Variants in NUBPL observed in about 807,000 individuals in gnomAD.
NUBPL encodes NUBP iron-sulfur cluster assembly factor, mitochondrial, also known as iron-sulfur cluster transfer protein NUBPL.
A neutral mutation model predicts 45.7 loss-of-function variants in NUBPL; 31 were observed. The observed-to-expected ratio is 0.68, with a 90% CI of 0.51 to 0.92. The LOEUF (loss-of-function observed/expected upper bound fraction) is 0.92, where lower values mean the gene tolerates loss of function less well. Among genes scored for constraint, NUBPL ranks in the 40% least tolerant of loss-of-function variants. The probability of loss-of-function intolerance (pLI) is 0.00; values close to 1 mark genes in which losing one functional copy is unlikely to be tolerated. For missense variants in NUBPL, 401 were observed against 398.7 expected, an observed-to-expected ratio of 1.01 and a Z score of -0.05; for synonymous variants, 144 against 140.9, an observed-to-expected ratio of 1.02 and a Z score of -0.15.
At chr14:31,843,617 C>T (rs2040409338) in intron 8 of NUBPL, 1 of 152,288 alleles carries the variant, frequency 6.6e-6, no homozygotes, top group Non-Finnish European at 1.5e-5. Flanking sequence ...CCAGCTTCAT[C>T]TAACTCCACT....
chr14:31,772,650 C>T (rs57994292), intron 6 of NUBPL, among the ~76,000 whole-genome samples: 56 of 152,262 alleles, frequency 3.7e-4, no homozygotes, highest in African/African-American at 1.3e-3. Context: ...CATGTATCAA[C>T]TTTTGGATAA....
chr14:31,640,110 A>T (rs1425596681), intron 4 of NUBPL, among the ~76,000 whole-genome samples: 4 of 152,036 alleles, frequency 2.6e-5, no homozygotes, highest in African/African-American at 9.7e-5. Flanking sequence ...GCCCACTGTC[A>T]GGCACTCCCT....
chr14:31,776,464 A>G (rs555646004), intron 6 of NUBPL, among the ~76,000 whole-genome samples: 14 of 152,178 alleles, frequency 9.2e-5, no homozygotes, highest in Non-Finnish European at 2.1e-4. Context: ...ACTGACAAGG[A>G]GACAGAAGGA....
At chr14:31,635,554 G>A (rs2035469843) in intron 4 of NUBPL, among the ~76,000 whole-genome samples, 1 of 151,948 alleles carries the variant, frequency 6.6e-6, no homozygotes, top group African/African-American at 2.4e-5. Flanking sequence ...TTTGGCTCAG[G>A]ATTGACTTGG....
chr14:31,575,656 G>A (rs921290938), intron 3 of NUBPL, among the ~76,000 whole-genome samples: 1 of 152,066 alleles, frequency 6.6e-6, no homozygotes, highest in African/African-American at 2.4e-5. Context: ...AAGGTTGGAG[G>A]CTCATCTTTT....
At chr14:31,837,879 G>A in intron 8 of NUBPL, among the ~76,000 whole-genome samples, 1 of 152,080 alleles carries the variant, frequency 6.6e-6, no homozygotes, top group Admixed American at 6.6e-5. Flanking sequence ...GAAAAATGAG[G>A]ACAAACTGGA....
chr14:31,758,671 A>G (rs2038729203), intron 6 of NUBPL, among the ~76,000 whole-genome samples: 1 of 152,192 alleles, frequency 6.6e-6, no homozygotes, highest in African/African-American at 2.4e-5. Context: ...GAACTGAGAA[A>G]CACCTTAGAA....
At chr14:31,607,129 C>G (rs1226417042) in intron 4 of NUBPL, among the ~76,000 whole-genome samples, 8 of 152,112 alleles carry the variant, frequency 5.3e-5, no homozygotes, top group Non-Finnish European at 1.2e-4. Flanking sequence ...GACTGTAATC[C>G]TAGCACTTCG....
At chr14:31,579,996 A>T (rs2033820257) in intron 3 of NUBPL, among the ~76,000 whole-genome samples, 1 of 152,252 alleles carries the variant, frequency 6.6e-6, no homozygotes, top group Non-Finnish European at 1.5e-5. Flanking sequence ...AAAAGGCAAA[A>T]TGGGAACTTA....
intron 3 of NUBPL, among the ~76,000 whole-genome samples, chr14:31,589,411 A>T (rs557356393): frequency 6.6e-6 from 1 of 152,318 alleles, no homozygotes; most frequent in South Asian, 2.1e-4. Flanking sequence ...ATAAGCAATT[A>T]TGCTAATGGA....
chr14:31,757,438 A>G (rs1019142383), intron 6 of NUBPL, among the ~76,000 whole-genome samples: 6 of 151,700 alleles, frequency 4.0e-5, no homozygotes, highest in African/African-American at 1.2e-4. Context: ...GGGAGGGTGT[A>G]TATGTTGAGG....
intron 6 of NUBPL, among the ~76,000 whole-genome samples, chr14:31,696,354 G>C (rs2037214621): frequency 6.6e-6 from 1 of 152,146 alleles, no homozygotes. Flanking sequence ...GACACATCTT[G>C]CACTGTTCTG....
intron 8 of NUBPL, among the ~76,000 whole-genome samples, chr14:31,837,433 C>T (rs1198847167): frequency 2.0e-5 from 3 of 152,150 alleles, no homozygotes; most frequent in African/African-American, 7.2e-5. Flanking sequence ...AAAATAGCTT[C>T]TACAGTCAGG....
intron 6 of NUBPL, among the ~76,000 whole-genome samples, chr14:31,700,642 GCCGGCCAGTGCCACTGGCC>G (rs533030766): frequency 0.011 from 1,629 of 152,270 alleles, 24 homozygotes; most frequent in African/African-American, 0.037. Flanking sequence ...ACTTCGAGCG[GCCGGCCAGTGCCACTGGCC>G]CCGGGCAGTG....
Position 31,673,394 on chromosome 14 carries a change from G to C in NUBPL, c.422G>C (p.Cys141Ser), listed in dbSNP as rs1259898028. The C allele has an allele frequency of 1.9e-6, 3 of 1,606,726 alleles. No homozygotes were observed. The South Asian group carries it at 3.3e-5, about 18-fold the overall frequency. Reference sequence around the variant, plus strand: ...CCTCTCTTGAATTATGGTATTGCTTGGTGAGCATATATATATTTTTAATGT... The same window carrying C: ...CCTCTCTTGAATTATGGTATTGCTTCGTGAGCATATATATATTTTTAATGT... ...MRPLLNYGIA[C>S]MSMGFLVEES... The change falls in exon 5 of 11, where the codon TGT becomes TCT. Residue 141 changes from cysteine to serine, a missense_variant and splice_region_variant. By Grantham distance (112) the Cys-to-Ser change is moderately radical (BLOSUM62 -1). Transcript: ENST00000281081.
chr14:31,771,405 A>G (rs1051912182), intron 6 of NUBPL, among the ~76,000 whole-genome samples: 2 of 152,206 alleles, frequency 1.3e-5, no homozygotes, highest in African/African-American at 4.8e-5. Flanking sequence ...TTCTATGGGT[A>G]TACAAGTTTT....
chr14:31,731,623 T>C (rs542361086), intron 6 of NUBPL, among the ~76,000 whole-genome samples: 12 of 152,342 alleles, frequency 7.9e-5, no homozygotes, highest in Admixed American at 3.3e-4. Context: ...CATTATAAAC[T>C]CAAATACTGC....
chr14:31,638,449 G>T (rs1292827496), intron 4 of NUBPL, among the ~76,000 whole-genome samples: 1 of 151,584 alleles, frequency 6.6e-6, no homozygotes, highest in African/African-American at 2.4e-5. Context: ...AGTTTCTGCC[G>T]AGAGATCCGC....
chr14:31,690,973 T>C (rs148459939), intron 6 of NUBPL, among the ~76,000 whole-genome samples: 1 of 152,214 alleles, frequency 6.6e-6, no homozygotes, highest in Non-Finnish European at 1.5e-5. Context: ...GCTTTTGGCT[T>C]TTATGACATG....
Sources: allele counts gnomAD v4.1 joint callset (sites outside exome capture counted in the v4.1 genomes callset), GRCh38; gene constraint gnomAD v4.1.1; transcripts MANE v1.5; gene names NCBI Gene and HGNC (gene_info 2026-07-23, HGNC 2026-07-21).